MYO5C: variants seen among roughly 807,000 people sequenced by gnomAD.
The protein encoded by MYO5C is myosin VC.
Under a neutral mutation model 235.7 loss-of-function variants are expected in MYO5C, and 194 were observed. The ratio of observed to expected loss-of-function variants is 0.82; its 90% CI spans 0.73 to 0.93. The LOEUF is 0.93. Ranked by LOEUF, MYO5C falls within the 40% of genes least tolerant of loss-of-function variation. The probability of loss-of-function intolerance (pLI) is 0.00; values close to 1 mark genes in which losing one functional copy is unlikely to be tolerated. For synonymous variants in MYO5C, 707 were observed against 754.8 expected (o/e 0.94, Z 1.04); for missense variants, 2,038 against 2,127.2 (o/e 0.96, Z 0.82).
chr15:52,254,840 T>C (rs550542908), intron 11 of MYO5C, among the ~76,000 whole-genome samples: 18 of 152,072 alleles, frequency 1.2e-4, no homozygotes, highest in Non-Finnish European at 2.1e-4. Flanking sequence ...GGGAACAGGG[T>C]AGCAGCCACA....
At chr15:52,240,436 T>C (rs1252113246) in intron 20 of MYO5C, among the ~76,000 whole-genome samples, 1 of 148,764 alleles carries the variant, frequency 6.7e-6, no homozygotes, top group Non-Finnish European at 1.5e-5. Context: ...CCAGGTGTGG[T>C]GGCACGTACC....
At position 52,242,082 on chromosome 15, in the gene MYO5C, C is replaced by A; in HGVS notation, c.2522G>T (p.Ser841Ile). The A allele has an allele frequency of 1.2e-6, 2 of 1,613,700 alleles. No individual in the cohort carries two copies. Among genetic ancestry groups the A allele is most frequent in the Non-Finnish European group, 8.5e-7 (1 of 1,179,802 alleles). Reference sequence around the variant, plus strand: ...CCTCCTCCTTGCCAGGAATCCTCGGCTGTAGGCCTGCATTGTGATGGTGGC... The same window carrying A: ...CCTCCTCCTTGCCAGGAATCCTCGGATGTAGGCCTGCATTGTGATGGTGGC... ...RMATITMQAY[S>I]RGFLARRRYR... The change falls in exon 20 of 41, where the codon AGC becomes ATC. Residue 841 changes from serine to isoleucine, a missense_variant. Physicochemically the swap from Ser to Ile is moderately radical, Grantham distance 142. Coordinates refer to ENST00000261839, the MANE Select transcript of MYO5C (RefSeq NM_018728.4).
chr15:52,212,452 A>G (rs1185996487), intron 34 of MYO5C, among the ~76,000 whole-genome samples: 2 of 152,196 alleles, frequency 1.3e-5, no homozygotes, highest in Non-Finnish European at 2.9e-5. Context: ...GAAGAGGCTC[A>G]CACTGCATGA....
chr15:52,213,115 C>T lies in MYO5C; in HGVS notation c.4141+73G>A. 2.6e-6 allele frequency: 3 copies of T among 1,146,784 alleles called. No individual in the cohort carries two copies. In the South Asian group the frequency reaches 3.7e-5, roughly 14 times the overall value. The allele number at this position is 1,146,784 out of a possible 1,614,324, so 71.0% of individuals were successfully genotyped here. A position where few individuals can be genotyped will look rare whatever the true frequency, so the allele number is the denominator to read the frequency against. ...AAGTAGAAAAAGGACCACCCCTGCC[C>T]AGGACTTTGGCACTGACTGATATGC... is the stretch of plus-strand genomic sequence containing the variant. On this transcript the variant is annotated intron_variant, in intron 34 of 40. Coordinates refer to ENST00000261839, the MANE Select transcript of MYO5C (RefSeq NM_018728.4).
rs527651619 is a variant in MYO5C at position 52,248,338 on chromosome 15, G to T, written c.1746+362C>A. On this transcript the variant is annotated intron_variant, in intron 14 of 40. Transcript: ENST00000261839. ...TTTTTATATTTTTAGAAGAGACAGG[G>T]TCTTGCTTTTTTGGCCAGGCTGGTC... 1.6e-3 allele frequency among the ~76,000 whole-genome samples: 239 copies of T among 152,074 alleles called. 2 individuals carry two copies. Among genetic ancestry groups the T allele is most frequent in the African/African-American group, 5.4e-3 (223 of 41,478 alleles).
At chr15:52,285,396 GCTCTCCCTCTCCCTCCTCTCCCTC>G (rs1184029726) in intron 1 of MYO5C, among the ~76,000 whole-genome samples, 1 of 140,910 alleles carries the variant, frequency 7.1e-6, no homozygotes, top group African/African-American at 2.6e-5. Context: ...ACAGGCTCTC[GCTCTCCCTCTCCCTCCTCTCCCTC>G]CTCTCCCTCT....
intron 9 of MYO5C, 82 bp from the exon 10 acceptor site, chr15:52,261,209 C>T: frequency 6.6e-7 from 1 of 1,513,006 alleles, no homozygotes; most frequent in Admixed American, 1.9e-5. Flanking sequence ...CCCCCGTGCC[C>T]ACACTCAGGC....
chr15:52,243,075 A>C (rs905849202), intron 19 of MYO5C: 1 of 152,228 alleles, frequency 6.6e-6, no homozygotes, highest in African/African-American at 2.4e-5. Context: ...GGTATGAATG[A>C]CCAGACAAGT....
Position 52,279,574 on chromosome 15 carries a change from T to A in MYO5C, c.239A>T (p.Glu80Val). The change falls in exon 3 of 41, where the codon GAG becomes GTG. Residue 80 changes from glutamate (E) to valine (V), a missense_variant. Physicochemically the swap from Glu to Val is moderately radical, Grantham distance 121. Coordinates refer to ENST00000261839, the MANE Select transcript of MYO5C (RefSeq NM_018728.4). ...NDLTALSYLH[E>V]PAVLHNLRIR... ...TCTGAGGTTGTGGAGCACCGCGGGC[T>A]CGTGAAGATAGCTGAGAGCCGTGAG... 6.2e-7 allele frequency: 1 copy of A among 1,614,124 alleles called. No individual in the cohort carries two copies. Among genetic ancestry groups the A allele is most frequent in the Non-Finnish European group, 8.5e-7 (1 of 1,179,974 alleles).
At chr15:52,256,562 AACAC>A (rs373248361) in intron 11 of MYO5C, 73 bp downstream of exon 11, 37 of 632,128 alleles carry the variant, frequency 5.9e-5, no homozygotes, top group Middle Eastern at 2.8e-4. Flanking sequence ...TCTTTCCACG[AACAC>A]ACACACACAC....
At position 52,192,791 on chromosome 15, in the gene MYO5C, C is replaced by T. The variant is rs983685086; in HGVS notation, c.*1111G>A. ...ATACATTGAAATGCTGATTAGAGAG[C>T]GAAAGTAATTTAGGTTGCTTTTTCA... On this transcript the variant is annotated 3_prime_UTR_variant, in exon 41 of 41. Coordinates refer to ENST00000261839, the MANE Select transcript of MYO5C (RefSeq NM_018728.4). 9.2e-5 allele frequency: 14 copies of T among 151,750 alleles called. No homozygotes were observed. The highest frequency in any genetic ancestry group is 3.4e-3 in the Middle Eastern group (1 of 294). The allele number at this position is 151,750 out of a possible 1,614,324, so 9.4% of individuals were successfully genotyped here.
chr15:52,278,106 T>G (rs1439291576), intron 4 of MYO5C: 1 of 366,476 alleles, frequency 2.7e-6, no homozygotes, highest in East Asian at 7.4e-5. Context: ...TATGTGAAAG[T>G]TCTTTTGCAA....
At position 52,219,836 on chromosome 15, in the gene MYO5C, A is replaced by G; in HGVS notation, c.3722-14T>C. 6.3e-7 allele frequency: 1 copy of G among 1,599,108 alleles called. No homozygotes were observed. Among genetic ancestry groups the G allele is most frequent in the Non-Finnish European group, 8.6e-7 (1 of 1,168,062 alleles). On this transcript the variant is annotated splice_polypyrimidine_tract_variant and intron_variant, in intron 30 of 40. Transcript: ENST00000261839. ...CTTCTAGTTTTCCTATAATGAGAAG[A>G]ACTGTCAGTACTTTGGGGGGGCACA...
chr15:52,193,621 C>A lies in MYO5C; in HGVS notation c.*281G>T. The stretch of plus-strand genomic sequence containing the variant: ...ACAAGACAGAACAGATCAAGAGGCA[C>A]GTGGAAGAAAATATGAGCCCTCCAG... On this transcript the variant is annotated 3_prime_UTR_variant, in exon 41 of 41. Coordinates refer to ENST00000261839, the MANE Select transcript of MYO5C (RefSeq NM_018728.4). The A allele has an allele frequency of 2.7e-6, 1 of 365,024 alleles. No individual in the cohort carries two copies. The highest frequency in any genetic ancestry group is 2.8e-5 in the South Asian group (1 of 35,882). 22.6% of individuals were successfully genotyped at this position (365,024 alleles called of 1,614,324 possible).
At chr15:52,257,629 C>T (rs1489464508) in intron 10 of MYO5C, among the ~76,000 whole-genome samples, 3 of 152,188 alleles carry the variant, frequency 2.0e-5, no homozygotes, top group African/African-American at 4.8e-5. Flanking sequence ...CATTTATGCA[C>T]GTCACCTCCT....
Position 52,253,426 on chromosome 15 carries a change from A to T in MYO5C, c.1427T>A (p.Met476Lys), listed in dbSNP as rs1394321771. The T allele has an allele frequency of 1.9e-6, 3 of 1,613,558 alleles. No homozygotes were observed. Among genetic ancestry groups the T allele is most frequent in the Non-Finnish European group, 2.5e-6 (3 of 1,179,778 alleles). ...HVFKLEQEEY[M>K]KEDIPWTLID... is the part of the protein sequence containing the mutation. ...CAGCGTCCAAGGTATATCTTCCTTC[A>T]TGTATTCTTCTTGTTCCAGTTTGAA... is the stretch of plus-strand genomic sequence containing the variant. Residue 476 changes from methionine to lysine, a missense_variant, in exon 12 of 41, where the codon ATG becomes AAG. Physicochemically the swap from Met to Lys is moderately conservative, Grantham distance 95. Coordinates refer to ENST00000261839, the MANE Select transcript of MYO5C (RefSeq NM_018728.4).
chr15:52,200,636 CA>C (rs1468310788), intron 38 of MYO5C, among the ~76,000 whole-genome samples: 2 of 151,950 alleles, frequency 1.3e-5, no homozygotes, highest in Admixed American at 6.6e-5. Flanking sequence ...ATCCAATATA[CA>C]ATTCAAAATT....
chr15:52,213,268 GACGAGTGC>G lies in MYO5C; in HGVS notation c.4053_4060del (p.His1352LeufsTer27). 6.2e-7 allele frequency: 1 copy of G among 1,613,848 alleles called. No individual in the cohort carries two copies. Among genetic ancestry groups the G allele is most frequent in the Non-Finnish European group, 8.5e-7 (1 of 1,179,796 alleles). On this transcript the variant is annotated frameshift_variant, in exon 34 of 41. Transcript: ENST00000261839. LOFTEE classifies it high-confidence loss of function. ...TCCAAGGTACTCCTTGGGTCCTGAG[GACGAGTGC>G]ACATCATTGGCTGTAGACAGAGGCA...
chr15:52,223,115 C>T (rs554836462), intron 29 of MYO5C, among the ~76,000 whole-genome samples: 1 of 148,818 alleles, frequency 6.7e-6, no homozygotes, highest in Non-Finnish European at 1.5e-5. Context: ...TGCCATTGCA[C>T]TCCAGCCTGG....
Sources: allele counts gnomAD v4.1 joint callset (sites outside exome capture counted in the v4.1 genomes callset), GRCh38; gene constraint gnomAD v4.1.1; transcripts MANE v1.5; gene names NCBI Gene and HGNC (gene_info 2026-07-23, HGNC 2026-07-21).